The following RYR3 variants were observed in gnomAD, a reference collection of about 807,000 sequenced individuals.
The protein encoded by RYR3 is ryanodine receptor 3.
In RYR3, 207 loss-of-function variants were observed where a neutral mutation model predicts 584.3. That is an observed-to-expected ratio of 0.35 (90% CI 0.32 to 0.40). The LOEUF (loss-of-function observed/expected upper bound fraction) is 0.40, where lower values mean the gene tolerates loss of function less well. Among genes scored for constraint, RYR3 ranks in the 10% least tolerant of loss-of-function variants. RYR3 has a pLI of 1.00. For synonymous variants in RYR3, 2,416 were observed against 2,248.5 expected (o/e 1.07, Z -2.11); for missense variants, 5,616 against 6,089.2 (o/e 0.92, Z 2.59).
chr15:33,558,728 C>G lies in RYR3; in HGVS notation c.973-4109C>G, dbSNP rs566327225. ...CAGGGGGCAGCTAGTATACCAACAA[C>G]AAGACATGTTTTTAAAATGTAGATT... On this transcript the variant is annotated intron_variant, in intron 10 of 103. Coordinates refer to ENST00000634891, the MANE Select transcript of RYR3 (RefSeq NM_001036.6). Among the ~76,000 whole-genome samples, 32 of 152,218 alleles carry G rather than the reference C, an allele frequency of 2.1e-4. No individual in the cohort carries two copies. The South Asian group carries it at 2.3e-3, about 11-fold the overall frequency.
chr15:33,660,141 G>T lies in RYR3; in HGVS notation c.4396-56G>T, dbSNP rs1201184924. 3 of 1,211,312 alleles carry T rather than the reference G, an allele frequency of 2.5e-6. No individual in the cohort carries two copies. In the African/African-American group the frequency reaches 4.5e-5, roughly 18 times the overall value. The allele number at this position is 1,211,312 out of a possible 1,614,324, so 75.0% of individuals were successfully genotyped here. A position where few individuals can be genotyped will look rare whatever the true frequency, so the allele number is the denominator to read the frequency against. On this transcript the variant is annotated intron_variant, in intron 33 of 103. Coordinates refer to ENST00000634891, the MANE Select transcript of RYR3 (RefSeq NM_001036.6). Reference sequence around the variant, plus strand: ...TGGCCATATCGGTTAAAATGTCTGGGTGCGTCATCCAGCAACTGTGTGTTT... The same window carrying T: ...TGGCCATATCGGTTAAAATGTCTGGTTGCGTCATCCAGCAACTGTGTGTTT...
At chr15:33,751,582 T>G (rs1012027590) in intron 57 of RYR3, among the ~76,000 whole-genome samples, 15 of 149,230 alleles carry the variant, frequency 1.0e-4, no homozygotes, top group African/African-American at 3.6e-4. Context: ...TGATGAGGTT[T>G]TTTTTTTTTT....
chr15:33,725,824 G>A (rs1415808160), intron 45 of RYR3, among the ~76,000 whole-genome samples: 12 of 146,912 alleles, frequency 8.2e-5, no homozygotes, highest in Non-Finnish European at 1.8e-4. Flanking sequence ...CAAAAAATTA[G>A]CCAGGTGTGG....
In RYR3 at chr15:33,838,634, C is replaced by A. The variant is rs1332089488; in HGVS notation, c.12654C>A (p.Gly4218=). 6.2e-7 allele frequency: 1 copy of A among 1,613,734 alleles called. No individual in the cohort carries two copies. Among genetic ancestry groups the A allele is most frequent in the Non-Finnish European group, 8.5e-7 (1 of 1,179,818 alleles). Residue 4218 remains glycine (G), a synonymous_variant, in exon 89 of 104, where the codon GGC becomes GGA. Transcript: ENST00000634891. ...TCTGGAGCACAGTGTTTGGAGGGGGCCTGGTAGAAGGGGCAAAGAACATCA... is the reference window on the plus strand; with the variant it reads ...TCTGGAGCACAGTGTTTGGAGGGGGACTGGTAGAAGGGGCAAAGAACATCA... The part of the protein sequence containing the change: ...QILWSTVFGG[G]LVEGAKNIRV...
In RYR3 at chr15:33,844,899, T is replaced by A. The variant is rs2078617367; in HGVS notation, c.13334T>A (p.Val4445Asp). 6.2e-7 allele frequency: 1 copy of A among 1,613,920 alleles called. No individual in the cohort carries two copies. The stretch of plus-strand genomic sequence containing the variant: ...CCTTTAGAAGAAGAGACAGAGGATG[T>A]TGCAAACCTATGGAATTCCTTTAAT... Reference protein sequence around the residue: ...EEPLEEETEDVANLWNSFNDE... With the variant: ...EEPLEEETEDDANLWNSFNDE... Residue 4445 changes from valine to aspartate, a missense_variant, in exon 93 of 104, where the codon GTT (valine) becomes GAT (aspartate). Coordinates refer to ENST00000634891, the MANE Select transcript of RYR3 (RefSeq NM_001036.6).
chr15:33,394,349 AAG>A (rs2042175366), intron 1 of RYR3, among the ~76,000 whole-genome samples: 1 of 152,210 alleles, frequency 6.6e-6, no homozygotes, highest in African/African-American at 2.4e-5. Flanking sequence ...TACAGCCAAA[AAG>A]AGAGATGGGA....
At chr15:33,705,893 C>T (rs2066673885) in intron 42 of RYR3, among the ~76,000 whole-genome samples, 1 of 152,220 alleles carries the variant, frequency 6.6e-6, no homozygotes, top group African/African-American at 2.4e-5. Flanking sequence ...CCAGTGGGCC[C>T]TTCTTTTCCT....
chr15:33,761,228 G>A (rs961238080), intron 60 of RYR3, among the ~76,000 whole-genome samples: 1 of 152,038 alleles, frequency 6.6e-6, no homozygotes, highest in Non-Finnish European at 1.5e-5. Flanking sequence ...TCAAAAGCTA[G>A]CAGAAGACAA....
intron 94 of RYR3, chr15:33,852,336 CTTAACT>C (rs1055213435): frequency 2.0e-5 from 3 of 152,102 alleles, no homozygotes; most frequent in East Asian, 1.9e-4. Flanking sequence ...ACAGTTCTTT[CTTAACT>C]TTAACAGTAA....
At chr15:33,548,066 G>C in intron 8 of RYR3, 64 bp from the exon 9 acceptor site, 3 of 1,211,190 alleles carry the variant, frequency 2.5e-6, no homozygotes, top group Non-Finnish European at 3.6e-6. Context: ...GCAGGGAGCT[G>C]TTCTTCACCC....
At chr15:33,589,352 G>A (rs1438087413) in intron 16 of RYR3, among the ~76,000 whole-genome samples, 1 of 151,924 alleles carries the variant, frequency 6.6e-6, no homozygotes, top group Non-Finnish European at 1.5e-5. Flanking sequence ...GTAAATTCTG[G>A]GTATTAGTCC....
chr15:33,696,514 C>T, intron 39 of RYR3, 23 bp downstream of exon 39: 1 of 1,611,664 alleles, frequency 6.2e-7, no homozygotes, highest in South Asian at 1.1e-5. Flanking sequence ...CGGTTACGTG[C>T]TGTTCTCTCT....
intron 98 of RYR3, chr15:33,855,939 C>G (rs922353891): frequency 6.6e-6 from 1 of 152,158 alleles, no homozygotes; most frequent in Non-Finnish European, 1.5e-5. Context: ...GTATGACAGA[C>G]AGGCTTCCTC....
At chr15:33,747,413 G>T (rs1027037834) in intron 53 of RYR3, among the ~76,000 whole-genome samples, 53 of 69,122 alleles carry the variant, frequency 7.7e-4, no homozygotes, top group Non-Finnish European at 8.2e-4. Context: ...TTTCACTGTT[G>T]TCACCCTTTT....
intron 1 of RYR3, among the ~76,000 whole-genome samples, chr15:33,358,788 A>AATAATGAG (rs1196140146): frequency 1.3e-5 from 2 of 152,216 alleles, no homozygotes; most frequent in Non-Finnish European, 2.9e-5. Context: ...TTTTGACCAA[A>AATAATGAG]ATAATGAGGC....
At chr15:33,835,105 T>C in intron 87 of RYR3, 33 bp downstream of exon 87, 2 of 1,504,530 alleles carry the variant, frequency 1.3e-6, no homozygotes, top group Non-Finnish European at 1.8e-6. Flanking sequence ...CGTGTCATTG[T>C]TGTGAAATGC....
chr15:33,617,156 C>T (rs62010503), intron 19 of RYR3, among the ~76,000 whole-genome samples: 26,668 of 152,004 alleles, frequency 0.18, 2,547 homozygotes, highest in African/African-American at 0.24. Flanking sequence ...GGCTCACGCC[C>T]GTAATCTCAG....
chr15:33,855,743 T>C (rs1351813378), intron 98 of RYR3: 1 of 152,220 alleles, frequency 6.6e-6, no homozygotes, highest in Non-Finnish European at 1.5e-5. Flanking sequence ...ATACATTATA[T>C]AGTTAATACA....
chr15:33,845,559 G>A (rs915211923), intron 93 of RYR3, among the ~76,000 whole-genome samples: 50 of 152,110 alleles, frequency 3.3e-4, no homozygotes, highest in Non-Finnish European at 6.0e-4. Context: ...CAGCCCCTAA[G>A]TCCTTTAACT....
Sources: allele counts gnomAD v4.1 joint callset (sites outside exome capture counted in the v4.1 genomes callset), GRCh38; gene constraint gnomAD v4.1.1; transcripts MANE v1.5; gene names NCBI Gene and HGNC (gene_info 2026-07-23, HGNC 2026-07-21).